Variants in DLGAP2 observed in about 807,000 individuals in gnomAD.
DLGAP2 encodes disks large-associated protein 2.
DLGAP2 carries 26 observed loss-of-function variants against 100.3 expected under a neutral mutation model. The observed-to-expected ratio is 0.26, with a 90% confidence interval of 0.19 to 0.36. DLGAP2 has a LOEUF of 0.36. Among genes scored for constraint, DLGAP2 ranks in the 10% least tolerant of loss-of-function variants. The pLI is 1.00. For synonymous variants in DLGAP2, 886 were observed against 630.1 expected, an observed-to-expected ratio of 1.41 and a Z score of -6.08; for missense variants, 1,858 against 1,453.2, an observed-to-expected ratio of 1.28 and a Z score of -4.53.
At chr8:936,692 T>C (rs1030784187) in intron 2 of DLGAP2, among the ~76,000 whole-genome samples, 2 of 152,048 alleles carry the variant, frequency 1.3e-5, no homozygotes, top group African/African-American at 4.8e-5. Context: ...GGTCCTCTCT[T>C]TTTGTTTTGG....
chr8:1,363,391 G>A (rs1802030811), intron 3 of DLGAP2, among the ~76,000 whole-genome samples: 1 of 152,162 alleles, frequency 6.6e-6, no homozygotes, highest in Non-Finnish European at 1.5e-5. Flanking sequence ...ACCTGCGGCT[G>A]CCTCTCCTGC....
intron 3 of DLGAP2, among the ~76,000 whole-genome samples, chr8:1,283,374 C>G (rs545194284): frequency 1.3e-5 from 2 of 152,212 alleles, no homozygotes; most frequent in East Asian, 3.8e-4. Flanking sequence ...CTCAATGGCG[C>G]CCAGACCTTC....
chr8:859,282 T>G (rs1302846258), intron 1 of DLGAP2, among the ~76,000 whole-genome samples: 3 of 152,122 alleles, frequency 2.0e-5, no homozygotes, highest in African/African-American at 7.2e-5. Flanking sequence ...TGGCTAATTT[T>G]TGTGCTTTTA....
intron 5 of DLGAP2, among the ~76,000 whole-genome samples, chr8:1,564,576 C>T (rs530942160): frequency 1.1e-3 from 173 of 152,324 alleles, no homozygotes; most frequent in African/African-American, 4.0e-3. Context: ...AGTTCTGTGC[C>T]TGGCAGATAT....
At chr8:962,696 A>C (rs533242881) in intron 2 of DLGAP2, among the ~76,000 whole-genome samples, 294 of 152,194 alleles carry the variant, frequency 1.9e-3, no homozygotes, top group African/African-American at 6.4e-3. Flanking sequence ...GATGGAGCAG[A>C]GTGGAACCCT....
intron 3 of DLGAP2, among the ~76,000 whole-genome samples, chr8:1,409,041 A>T (rs979361534): frequency 1.3e-5 from 2 of 152,234 alleles, no homozygotes; most frequent in African/African-American, 4.8e-5. Flanking sequence ...CAGTTCCAGA[A>T]TGTGGACCAC....
At chr8:1,418,403 G>A (rs28742088) in intron 3 of DLGAP2, among the ~76,000 whole-genome samples, 58,305 of 152,042 alleles carry the variant, frequency 0.38, 11,496 homozygotes, top group East Asian at 0.53. Flanking sequence ...TAATGGATTT[G>A]ATTCTGGCAT....
chr8:959,990 C>A (rs1472647440), intron 2 of DLGAP2, among the ~76,000 whole-genome samples: 1 of 152,056 alleles, frequency 6.6e-6, no homozygotes, highest in Non-Finnish European at 1.5e-5. Context: ...TATTGTTCTA[C>A]AGGGCAATAA....
intron 2 of DLGAP2, among the ~76,000 whole-genome samples, chr8:949,003 G>A (rs943811095): frequency 1.3e-5 from 2 of 151,254 alleles, no homozygotes; most frequent in African/African-American, 4.9e-5. Context: ...GTGGGAGCAG[G>A]ACCTGTCGGG....
At chr8:1,416,093 G>A (rs931633543) in intron 3 of DLGAP2, among the ~76,000 whole-genome samples, 3 of 152,184 alleles carry the variant, frequency 2.0e-5, no homozygotes. Context: ...AAAACATAGA[G>A]GACCCTGCAT....
At chr8:1,376,654 T>C (rs1275642569) in intron 3 of DLGAP2, among the ~76,000 whole-genome samples, 2 of 118,382 alleles carry the variant, frequency 1.7e-5, no homozygotes, top group African/African-American at 3.3e-5. Flanking sequence ...AGACCCTCAC[T>C]CTGACCCCGG....
intron 2 of DLGAP2, among the ~76,000 whole-genome samples, chr8:982,351 C>T (rs554412263): frequency 1.4e-4 from 21 of 152,324 alleles, no homozygotes; most frequent in Admixed American, 2.6e-4. Flanking sequence ...TTCAACTAGA[C>T]TCAAGAGCTG....
At chr8:797,330 AT>A (rs1267545875) in intron 1 of DLGAP2, among the ~76,000 whole-genome samples, 3 of 152,164 alleles carry the variant, frequency 2.0e-5, no homozygotes, top group African/African-American at 4.8e-5. Flanking sequence ...GACTTTGCTT[AT>A]TTCACTCAAT....
At position 1,284,719 on chromosome 8, in the gene DLGAP2, C is replaced by G. The variant is rs534223441; in HGVS notation, c.106+25836C>G. Among the ~76,000 whole-genome samples the G allele has an allele frequency of 1.7e-3, 259 of 152,340 alleles. 1 individual carries two copies. The highest frequency in any genetic ancestry group is 1.9e-3 in the Non-Finnish European group (129 of 68,030). On this transcript the variant is annotated intron_variant, in intron 3 of 14. Transcript: ENST00000637795. Reference sequence around the variant, plus strand: ...TCAGTGCAGCCTCAGCTGCCTGACCCTCCCACCTCAGCCTCCCGAGTAGCT... The same window carrying G: ...TCAGTGCAGCCTCAGCTGCCTGACCGTCCCACCTCAGCCTCCCGAGTAGCT...
intron 3 of DLGAP2, among the ~76,000 whole-genome samples, chr8:1,364,380 G>A (rs138879485): frequency 3.7e-4 from 57 of 152,200 alleles, no homozygotes; most frequent in Non-Finnish European, 5.6e-4. Flanking sequence ...CGTGCGGAAT[G>A]AGGAGTGGTC....
intron 2 of DLGAP2, among the ~76,000 whole-genome samples, chr8:1,191,722 C>G (rs931456490): frequency 2.6e-5 from 4 of 152,200 alleles, no homozygotes; most frequent in African/African-American, 9.7e-5. Context: ...ATTTCCACCT[C>G]TGATCACACT....
At chr8:1,639,829 G>A (rs1329890177) in intron 8 of DLGAP2, among the ~76,000 whole-genome samples, 1 of 152,182 alleles carries the variant, frequency 6.6e-6, no homozygotes, top group East Asian at 1.9e-4. Context: ...GGCCTCCATT[G>A]TCCAAGCCTC....
Position 1,171,601 on chromosome 8 carries a change from C to T in DLGAP2, c.74-87250C>T, listed in dbSNP as rs1334233194. On this transcript the variant is annotated intron_variant, in intron 2 of 14. Transcript: ENST00000637795. The stretch of plus-strand genomic sequence containing the variant: ...GTGCATATATATTTAGGATACTTAG[C>T]TCTTCTTGTTGAATTGATCCCTTTA... 3.9e-5 allele frequency among the ~76,000 whole-genome samples: 6 copies of T among 152,300 alleles called. No individual in the cohort carries two copies. The East Asian group carries it at 7.7e-4, about 20-fold the overall frequency.
intron 2 of DLGAP2, among the ~76,000 whole-genome samples, chr8:1,132,780 G>A (rs894858277): frequency 6.6e-6 from 1 of 152,212 alleles, no homozygotes; most frequent in Non-Finnish European, 1.5e-5. Flanking sequence ...ACCCATGGAG[G>A]CCACACATTG....
Sources: gnomAD v4.1 joint callset for allele counts (sites outside exome capture counted in the v4.1 genomes callset) on GRCh38, gnomAD v4.1.1 for gene constraint, MANE v1.5 for transcripts, NCBI Gene and HGNC (gene_info 2026-07-23, HGNC 2026-07-21) for gene names.